TMEM117: variants seen among roughly 807,000 people sequenced by gnomAD.
TMEM117 encodes the protein transmembrane protein 117.
Under a neutral mutation model 52.4 loss-of-function variants are expected in TMEM117, and 27 were observed. The observed-to-expected ratio is 0.51, with a 90% CI of 0.38 to 0.71. The LOEUF is 0.71. TMEM117 is among the 30% of genes least tolerant of loss of function. The pLI is 0.00. For missense variants in TMEM117, 556 were observed against 630.5 expected (o/e 0.88, Z 1.26); for synonymous variants, 215 against 206.3 (o/e 1.04, Z -0.36).
chr12:44,277,917 C>A (rs1269327157), intron 5 of TMEM117, among the ~76,000 whole-genome samples: 2 of 152,100 alleles, frequency 1.3e-5, no homozygotes, highest in East Asian at 3.9e-4. Flanking sequence ...GCGCATGCCA[C>A]CATGCCCAGC....
At chr12:44,163,644 C>T (rs769109529) in intron 4 of TMEM117, among the ~76,000 whole-genome samples, 2 of 152,162 alleles carry the variant, frequency 1.3e-5, no homozygotes, top group East Asian at 1.9e-4. Context: ...TGTTTCACTA[C>T]AGCCAGAATG....
chr12:44,115,925 C>T (rs1403597777), intron 3 of TMEM117, among the ~76,000 whole-genome samples: 2 of 152,254 alleles, frequency 1.3e-5, no homozygotes, highest in Non-Finnish European at 1.5e-5. Flanking sequence ...ATTGCTTAAG[C>T]CTATGTTGCC....
intron 2 of TMEM117, among the ~76,000 whole-genome samples, chr12:43,877,589 C>T (rs1943820406): frequency 1.3e-5 from 2 of 149,228 alleles, no homozygotes; most frequent in African/African-American, 2.5e-5. Context: ...GAGCAGAGAT[C>T]GTGTCACTGC....
At chr12:44,188,864 T>C (rs571041175) in intron 4 of TMEM117, among the ~76,000 whole-genome samples, 3 of 152,294 alleles carry the variant, frequency 2.0e-5, no homozygotes, top group African/African-American at 7.2e-5. Flanking sequence ...ACTCTGTAAT[T>C]TTCGTTTGTT....
intron 5 of TMEM117, among the ~76,000 whole-genome samples, chr12:44,292,648 A>G (rs1950719123): frequency 2.6e-5 from 4 of 151,908 alleles, no homozygotes; most frequent in Admixed American, 2.0e-4. Flanking sequence ...CAGTTTGGGT[A>G]CGTTCTGTTT....
chr12:43,979,645 C>A (rs545704557), intron 3 of TMEM117, among the ~76,000 whole-genome samples: 5 of 152,212 alleles, frequency 3.3e-5, no homozygotes, highest in African/African-American at 1.2e-4. Context: ...GTTGAAGGGG[C>A]CCCATAGGTT....
chr12:43,957,624 A>T (rs2137652788), intron 3 of TMEM117, among the ~76,000 whole-genome samples: 1 of 152,336 alleles, frequency 6.6e-6, no homozygotes, highest in African/African-American at 2.4e-5. Flanking sequence ...AAAGAGAGGC[A>T]TGCTCCCAAG....
chr12:44,044,673 AG>A (rs1946853129), intron 3 of TMEM117, among the ~76,000 whole-genome samples: 1 of 152,162 alleles, frequency 6.6e-6, no homozygotes, highest in Admixed American at 6.5e-5. Context: ...AGAGAAGACT[AG>A]GGGCTGACTC....
At chr12:44,235,326 T>A (rs1471447263) in intron 5 of TMEM117, among the ~76,000 whole-genome samples, 3 of 151,742 alleles carry the variant, frequency 2.0e-5, no homozygotes, top group African/African-American at 4.8e-5. Context: ...GTTTTAAATG[T>A]TTCCTGTTAA....
intron 3 of TMEM117, among the ~76,000 whole-genome samples, chr12:43,969,356 T>TAAAAGAA (rs1555189080): frequency 1.3e-5 from 1 of 79,568 alleles, no homozygotes; most frequent in East Asian, 3.8e-4. Flanking sequence ...CCGTCTCTAC[T>TAAAAGAA]AAAAAAAAAA....
chr12:44,276,979 T>C (rs113288589), intron 5 of TMEM117, among the ~76,000 whole-genome samples: 4,475 of 151,830 alleles, frequency 0.029, 106 homozygotes, highest in Admixed American at 0.044. Context: ...TGGTTAAATT[T>C]AGCTAAGAGA....
At chr12:44,181,829 C>T (rs1318387216) in intron 4 of TMEM117, among the ~76,000 whole-genome samples, 7 of 150,902 alleles carry the variant, frequency 4.6e-5, no homozygotes, top group Admixed American at 6.6e-5. Context: ...ATTGACTTGG[C>T]GATGCGGGCT....
the TMEM117 span, among the ~76,000 whole-genome samples, chr12:43,825,051 G>A: frequency 2.6e-5 from 4 of 152,212 alleles, no homozygotes; most frequent in African/African-American, 4.8e-5. Context: ...GACCTTGTTC[G>A]GCAACTGTAT....
chr12:44,322,711 A>C (rs1263827929), intron 6 of TMEM117, among the ~76,000 whole-genome samples: 1 of 152,144 alleles, frequency 6.6e-6, no homozygotes, highest in Non-Finnish European at 1.5e-5. Flanking sequence ...CTACATGGAC[A>C]TTTTAATGCC....
At chr12:44,094,008 CA>C (rs1228453158) in intron 3 of TMEM117, among the ~76,000 whole-genome samples, 3 of 151,986 alleles carry the variant, frequency 2.0e-5, no homozygotes, top group Admixed American at 2.0e-4. Flanking sequence ...TATGAAAAAT[CA>C]AGCAGAATGA....
intron 6 of TMEM117, among the ~76,000 whole-genome samples, chr12:44,312,134 T>C (rs1950998489): frequency 6.6e-6 from 1 of 151,942 alleles, no homozygotes; most frequent in Admixed American, 6.6e-5. Context: ...GATGCTGATG[T>C]TGATGAATGA....
chr12:43,900,595 G>A (rs1011382110), intron 2 of TMEM117, among the ~76,000 whole-genome samples: 1 of 152,032 alleles, frequency 6.6e-6, no homozygotes, highest in African/African-American at 2.4e-5. Context: ...GCACATGCCT[G>A]TAATCCCAGC....
At chr12:44,105,691 T>TG (rs999510633) in intron 3 of TMEM117, among the ~76,000 whole-genome samples, 23 of 152,040 alleles carry the variant, frequency 1.5e-4, no homozygotes, top group Admixed American at 7.9e-4. Flanking sequence ...ACCAACCTCC[T>TG]GGCCCCTGGG....
intron 2 of TMEM117, among the ~76,000 whole-genome samples, chr12:43,862,324 A>G (rs761884678): frequency 3.9e-5 from 6 of 152,176 alleles, no homozygotes; most frequent in African/African-American, 7.2e-5. Context: ...GCCCGCCACC[A>G]TGCCCAGCTA....
Sources: allele counts gnomAD v4.1 joint callset (sites outside exome capture counted in the v4.1 genomes callset), GRCh38; gene constraint gnomAD v4.1.1; transcripts MANE v1.5; gene names NCBI Gene and HGNC (gene_info 2026-07-23, HGNC 2026-07-21).